NPNT: variants seen among roughly 807,000 people sequenced by gnomAD.
NPNT encodes preosteoblast EGF-like repeat protein with MAM domain.
NPNT carries 45 observed loss-of-function variants against 68.6 expected under a neutral mutation model. The observed-to-expected ratio is 0.66, with a 90% confidence interval of 0.52 to 0.84. The LOEUF (loss-of-function observed/expected upper bound fraction) is 0.84. Among genes scored for constraint, NPNT ranks in the 40% least tolerant of loss-of-function variants. The probability of loss-of-function intolerance (pLI) is 0.00; values close to 1 mark genes in which losing one functional copy is unlikely to be tolerated. For synonymous variants in NPNT, 233 were observed against 253.3 expected, an observed-to-expected ratio of 0.92 and a Z score of 0.76; for missense variants, 672 against 714.8, an observed-to-expected ratio of 0.94 and a Z score of 0.68.
rs1261343155 is a variant in NPNT, at chr4:105,959,133, C to A, written c.1345+7C>A. ...CCAATCAGGGACCCAGCAGGTAAAACCATTTCATTTAACTTTTTCTGGTAC... is the reference window on the plus strand; with the variant it reads ...CCAATCAGGGACCCAGCAGGTAAAAACATTTCATTTAACTTTTTCTGGTAC... On this transcript the variant is annotated splice_region_variant and intron_variant, in intron 10 of 11. Coordinates refer to ENST00000379987, the MANE Select transcript of NPNT (RefSeq NM_001033047.3). The A allele has an allele frequency of 6.3e-7, 1 of 1,587,570 alleles. No homozygotes were observed. The highest frequency in any genetic ancestry group is 8.7e-7 in the Non-Finnish European group (1 of 1,156,034).
intron 2 of NPNT, among the ~76,000 whole-genome samples, chr4:105,922,313 A>G (rs565649875): frequency 1.3e-5 from 2 of 151,924 alleles, no homozygotes; most frequent in Admixed American, 1.3e-4. Flanking sequence ...AACTTATTTG[A>G]TAATTCACTG....
intron 10 of NPNT, among the ~76,000 whole-genome samples, chr4:105,966,967 T>C (rs1403152301): frequency 6.6e-6 from 1 of 152,186 alleles, no homozygotes; most frequent in Admixed American, 6.5e-5. Context: ...GTCTCTGGCA[T>C]TACTTGTACT....
intron 1 of NPNT, chr4:105,895,961 C>T (rs1578557300): frequency 1.8e-6 from 1 of 546,230 alleles, no homozygotes; most frequent in East Asian, 3.2e-5. Context: ...CCGAGGGCGA[C>T]TCGCCCCGGC....
intron 2 of NPNT, among the ~76,000 whole-genome samples, chr4:105,923,104 T>C (rs910927227): frequency 6.6e-6 from 1 of 152,208 alleles, no homozygotes; most frequent in Admixed American, 6.5e-5. Context: ...TATACTTTTT[T>C]ATTTTTTTGA....
chr4:105,938,883 A>T (rs751298988), intron 5 of NPNT, among the ~76,000 whole-genome samples: 11 of 152,172 alleles, frequency 7.2e-5, no homozygotes, highest in Non-Finnish European at 1.2e-4. Context: ...TAGATATGTA[A>T]CCTTAGGCAA....
At position 105,938,785 on chromosome 4, in the gene NPNT, A is replaced by G. The variant is rs565517133; in HGVS notation, c.505+365A>G. ...AGCTAGATTGTATGTGTTGTTCTTC[A>G]GGCCTCAGATTTTTTTCTGGTAAAT... On this transcript the variant is annotated intron_variant, in intron 5 of 11. Transcript: ENST00000379987. Among the ~76,000 whole-genome samples, 107 of 152,296 alleles carry G rather than the reference A, an allele frequency of 7.0e-4. 1 individual carries two copies. Among genetic ancestry groups the G allele is most frequent in the African/African-American group, 2.5e-3 (105 of 41,564 alleles).
chr4:105,967,300 G>A lies in NPNT; in HGVS notation c.1458G>A (p.Arg486=). 1 of 1,614,012 alleles carries A rather than the reference G, an allele frequency of 6.2e-7. No individual in the cohort carries two copies. Among genetic ancestry groups the A allele is most frequent in the East Asian group, 2.2e-5 (1 of 44,844 alleles). Residue 486 remains arginine, a synonymous_variant, in exon 11 of 12, where the codon AGG becomes AGA. Coordinates refer to ENST00000379987, the MANE Select transcript of NPNT (RefSeq NM_001033047.3). ...MHSGDLCLSF[R]HKVTGLHSGT... Reference sequence around the variant, plus strand: ...CAGGGGACCTGTGCCTGTCATTCAGGCACAAGGTGACGGGGCTGCACTCTG... The same window carrying A: ...CAGGGGACCTGTGCCTGTCATTCAGACACAAGGTGACGGGGCTGCACTCTG...
At chr4:105,961,276 G>A (rs1458788583) in intron 10 of NPNT, among the ~76,000 whole-genome samples, 1 of 152,216 alleles carries the variant, frequency 6.6e-6, no homozygotes, top group Non-Finnish European at 1.5e-5. Flanking sequence ...ATGTGGTAGT[G>A]TGCATGATCT....
chr4:105,968,252 T>C (rs1553914619), intron 11 of NPNT, among the ~76,000 whole-genome samples: 1 of 152,244 alleles, frequency 6.6e-6, no homozygotes, highest in Non-Finnish European at 1.5e-5. Flanking sequence ...AATTCTTACA[T>C]ATTTTTTCTT....
intron 8 of NPNT, among the ~76,000 whole-genome samples, chr4:105,955,870 T>A (rs1430617788): frequency 6.6e-6 from 1 of 152,086 alleles, no homozygotes; most frequent in Admixed American, 6.6e-5. Context: ...CCCATACTGG[T>A]ATGTGTGAGG....
intron 3 of NPNT, among the ~76,000 whole-genome samples, chr4:105,928,861 C>T (rs772523114): frequency 5.9e-5 from 9 of 152,040 alleles, no homozygotes; most frequent in Non-Finnish European, 1.2e-4. Context: ...TACTACTGTT[C>T]TTCAGTGTCT....
chr4:105,901,770 G>A (rs1310128664), intron 2 of NPNT, among the ~76,000 whole-genome samples: 3 of 152,128 alleles, frequency 2.0e-5, no homozygotes, highest in South Asian at 2.1e-4. Context: ...CCTCTTCCAC[G>A]TAAAGTGAAA....
In NPNT at chr4:105,897,918, T is replaced by C. The variant is rs1726002291; in HGVS notation, c.89T>C (p.Val30Ala). The C allele has an allele frequency of 3.7e-6, 6 of 1,613,330 alleles. No homozygotes were observed. The highest frequency in any genetic ancestry group is 5.1e-6 in the Non-Finnish European group (6 of 1,179,296). Residue 30 changes from valine (V) to alanine (A), a missense_variant, in exon 2 of 12, where the codon GTG becomes GCG. Physicochemically the swap from Val to Ala is moderately conservative, Grantham distance 64. Coordinates refer to ENST00000379987, the MANE Select transcript of NPNT (RefSeq NM_001033047.3). ...TTTGGTAGGTGGCCCAGGCAAATAGTGTCATCGATTGGCCTATGTCGTTAT... is the reference window on the plus strand; with the variant it reads ...TTTGGTAGGTGGCCCAGGCAAATAGCGTCATCGATTGGCCTATGTCGTTAT... Reference protein sequence around the residue: ...EFDGRWPRQIVSSIGLCRYGG... With the variant: ...EFDGRWPRQIASSIGLCRYGG...
chr4:105,967,543 G>T lies in NPNT; in HGVS notation c.1602+99G>T, dbSNP rs1487361921. On this transcript the variant is annotated intron_variant, in intron 11 of 11. Coordinates refer to ENST00000379987, the MANE Select transcript of NPNT (RefSeq NM_001033047.3). ...AAGAAGCCTTGCTGTGTGAATTCAG[G>T]CTCAGATAAAGGTTTGGGTTTTTTT... 3.1e-6 allele frequency: 4 copies of T among 1,277,630 alleles called. No homozygotes were observed. The African/African-American group carries it at 4.6e-5, about 15-fold the overall frequency. The allele number at this position is 1,277,630 out of a possible 1,614,324, so 79.1% of individuals were successfully genotyped here. A position where few individuals can be genotyped will look rare whatever the true frequency, so the allele number is the denominator to read the frequency against.
chr4:105,938,365 G>T lies in NPNT; in HGVS notation c.450G>T (p.Arg150=). 3 of 1,613,634 alleles carry T rather than the reference G, an allele frequency of 1.9e-6. No homozygotes were observed. The highest frequency in any genetic ancestry group is 2.5e-6 in the Non-Finnish European group (3 of 1,179,724). Residue 150 remains arginine, a synonymous_variant, in exon 5 of 12, where the codon CGG becomes CGT. Transcript: ENST00000379987. The part of the protein sequence containing the change: ...YGCDVVKGQI[R]CQCPSPGLQL... ...GTGATGTTGTTAAAGGACAAATACG[G>T]TGCCAGTGCCCATCCCCTGGCCTGC...
intron 2 of NPNT, among the ~76,000 whole-genome samples, chr4:105,904,817 G>T (rs377707691): frequency 8.6e-5 from 13 of 152,044 alleles, no homozygotes; most frequent in African/African-American, 2.9e-4. Context: ...GAGTAGTTGG[G>T]ATTACAGGTG....
At chr4:105,958,427 TCACA>T (rs112811203) in intron 8 of NPNT, 40 bp from the exon 9 acceptor site, 20 of 1,113,768 alleles carry the variant, frequency 1.8e-5, no homozygotes, top group Non-Finnish European at 2.4e-5. Flanking sequence ...TATCAATACT[TCACA>T]CACACACACA....
chr4:105,946,618 A>C (rs1310557639), intron 8 of NPNT, among the ~76,000 whole-genome samples: 1 of 152,162 alleles, frequency 6.6e-6, no homozygotes, highest in Non-Finnish European at 1.5e-5. Context: ...AAAACCAGCA[A>C]GTTTTATTAA....
intron 2 of NPNT, among the ~76,000 whole-genome samples, chr4:105,899,177 T>C (rs1032963913): frequency 6.6e-6 from 1 of 152,176 alleles, no homozygotes; most frequent in Non-Finnish European, 1.5e-5. Flanking sequence ...CAGTCACAGA[T>C]TGACTCTAAT....
Sources: allele counts gnomAD v4.1 joint callset (sites outside exome capture counted in the v4.1 genomes callset), GRCh38; gene constraint gnomAD v4.1.1; transcripts MANE v1.5; gene names NCBI Gene and HGNC (gene_info 2026-07-23, HGNC 2026-07-21).